Variants in SPMIP4 observed in about 807,000 individuals in gnomAD.
SPMIP4 encodes the protein sperm microtubule inner protein 4, also known as sperm-associated microtubule inner protein 4.
the SPMIP4 span, among the ~76,000 whole-genome samples, chr7:25,148,557 C>T: frequency 1.4e-5 from 2 of 146,028 alleles, no homozygotes; most frequent in Admixed American, 1.4e-4. Context: ...TCACTGCAGC[C>T]TCTGCCTCCC....
the SPMIP4 span, chr7:25,135,288 TAAAAG>T: frequency 3.1e-6 from 3 of 975,884 alleles, no homozygotes; most frequent in Non-Finnish European, 3.7e-6. Flanking sequence ...TTTATCTGCA[TAAAAG>T]AAACAGTTAT....
chr7:25,157,086 G>C, the SPMIP4 span, among the ~76,000 whole-genome samples: 1 of 152,106 alleles, frequency 6.6e-6, no homozygotes, highest in Non-Finnish European at 1.5e-5. Flanking sequence ...AAAACCCCAC[G>C]ATGATGGGGA....
chr7:25,131,997 C>T, the SPMIP4 span, among the ~76,000 whole-genome samples: 30 of 152,194 alleles, frequency 2.0e-4, no homozygotes, highest in African/African-American at 6.7e-4. The surrounding 1 kb of genome is among the most constrained non-coding windows in gnomAD (Gnocchi z 4.2). Context: ...TCAGCTCGAG[C>T]GAGCCTTAAC....
chr7:25,155,772 T>A, the SPMIP4 span, among the ~76,000 whole-genome samples: 1 of 151,622 alleles, frequency 6.6e-6, no homozygotes. Context: ...AAAATAAACA[T>A]GTTAAAGAGA....
the SPMIP4 span, chr7:25,136,238 G>C: frequency 6.2e-7 from 1 of 1,614,122 alleles, no homozygotes; most frequent in Non-Finnish European, 8.5e-7. This position sits in a 1 kb window ranked among gnomAD's most constrained non-coding sequence, Gnocchi z 5.7. Flanking sequence ...CTTAAAAAAT[G>C]TTCTAAAGTG....
the SPMIP4 span, among the ~76,000 whole-genome samples, chr7:25,174,163 A>G: frequency 2.0e-5 from 3 of 152,162 alleles, no homozygotes; most frequent in African/African-American, 4.8e-5. The surrounding 1 kb of genome is among the most constrained non-coding windows in gnomAD (Gnocchi z 4.5). Flanking sequence ...TAATAATTTT[A>G]ATGAAATTTT....
At chr7:25,148,477 C>CTTTT in the SPMIP4 span, among the ~76,000 whole-genome samples, 2 of 128,186 alleles carry the variant, frequency 1.6e-5, no homozygotes, top group Non-Finnish European at 1.6e-5. Flanking sequence ...GAATCTGCCT[C>CTTTT]TTTTTTTTTT....
the SPMIP4 span, among the ~76,000 whole-genome samples, chr7:25,162,643 CG>C: frequency 6.6e-6 from 1 of 151,880 alleles, no homozygotes; most frequent in Non-Finnish European, 1.5e-5. Flanking sequence ...TATAGATGGC[CG>C]GGAGTGTGAG....
chr7:25,143,789 G>C, the SPMIP4 span, among the ~76,000 whole-genome samples: 22 of 151,860 alleles, frequency 1.4e-4, no homozygotes, highest in Non-Finnish European at 2.8e-4. Flanking sequence ...GTAGAGACAG[G>C]GTCTCATCAT....
the SPMIP4 span, among the ~76,000 whole-genome samples, chr7:25,162,570 C>A: frequency 1.3e-5 from 2 of 152,040 alleles, no homozygotes; most frequent in South Asian, 4.1e-4. Context: ...CAGAGAAATG[C>A]ATTCTCATAA....
the SPMIP4 span, chr7:25,161,331 G>T: frequency 1.3e-6 from 1 of 779,694 alleles, no homozygotes; most frequent in South Asian, 2.1e-5. Context: ...GATAGTAAAA[G>T]ACAAATAGAT....
the SPMIP4 span, among the ~76,000 whole-genome samples, chr7:25,137,244 G>C: frequency 7.0e-6 from 1 of 143,154 alleles, no homozygotes; most frequent in South Asian, 2.2e-4. Flanking sequence ...TGACTCCTAA[G>C]ACCCTCCAAG....
the SPMIP4 span, chr7:25,155,079 C>T: frequency 8.1e-5 from 131 of 1,613,956 alleles, no homozygotes; most frequent in East Asian, 2.5e-3. Flanking sequence ...CTGCTGGGTG[C>T]GGGCTTTAAT....
At chr7:25,138,226 C>G in the SPMIP4 span, among the ~76,000 whole-genome samples, 1 of 152,096 alleles carries the variant, frequency 6.6e-6, no homozygotes, top group Non-Finnish European at 1.5e-5. The surrounding 1 kb of genome is among the most constrained non-coding windows in gnomAD (Gnocchi z 6.2). Flanking sequence ...TTTTGTTGAT[C>G]TATTCCAGGG....
At chr7:25,134,191 C>T in the SPMIP4 span, among the ~76,000 whole-genome samples, 4 of 151,922 alleles carry the variant, frequency 2.6e-5, no homozygotes, top group Admixed American at 6.6e-5. Context: ...ACCCAGGAGG[C>T]GGAGGTTGCA....
At chr7:25,134,799 C>T in the SPMIP4 span, 4 of 985,382 alleles carry the variant, frequency 4.1e-6, no homozygotes, top group Non-Finnish European at 4.8e-6. Flanking sequence ...TCACTTCAGA[C>T]ACTCCCAATT....
At chr7:25,153,057 T>G in the SPMIP4 span, among the ~76,000 whole-genome samples, 1 of 152,060 alleles carries the variant, frequency 6.6e-6, no homozygotes, top group Admixed American at 6.6e-5. Context: ...GCTTCTTAGT[T>G]CTAATAAAGA....
chr7:25,171,990 T>C, the SPMIP4 span, among the ~76,000 whole-genome samples: 1 of 152,176 alleles, frequency 6.6e-6, no homozygotes, highest in Non-Finnish European at 1.5e-5. Context: ...GGAAGGATTC[T>C]TGCGGGAAAT....
chr7:25,153,389 C>A, the SPMIP4 span, among the ~76,000 whole-genome samples: 3 of 151,658 alleles, frequency 2.0e-5, no homozygotes, highest in Non-Finnish European at 4.4e-5. Context: ...CATGGTGAAA[C>A]CCTGTCTCTA....
Sources: gnomAD v4.1 joint callset for allele counts (sites outside exome capture counted in the v4.1 genomes callset) on GRCh38, gnomAD v4.1.1 for gene constraint, Gnocchi (gnomAD v3.1) non-coding constraint, MANE v1.5 for transcripts, NCBI Gene and HGNC (gene_info 2026-07-23, HGNC 2026-07-21) for gene names.